Variants in IQSEC1 observed in about 807,000 individuals in gnomAD.
The protein encoded by IQSEC1 is IQ motif and Sec7 domain ArfGEF 1.
In IQSEC1, 31 loss-of-function variants were observed where a neutral mutation model predicts 91.0. The observed-to-expected ratio is 0.34, with a 90% CI of 0.26 to 0.46. The LOEUF is 0.46. Ranked by LOEUF, IQSEC1 falls within the 20% of genes least tolerant of loss-of-function variation. The pLI, the probability that IQSEC1 is intolerant of heterozygous loss-of-function variation, is 1.00. For synonymous variants in IQSEC1, 699 were observed against 662.6 expected, an observed-to-expected ratio of 1.05 and a Z score of -0.84; for missense variants, 1,388 against 1,575.6, an observed-to-expected ratio of 0.88 and a Z score of 2.02.
In IQSEC1 at chr3:12,941,652, C is replaced by T; in HGVS notation, c.237G>A (p.Lys79=). ...KLQHSTSILR[K]QAEEEAIKRS... is the part of the protein sequence containing the mutation. ...GCTTGATGGCCTCCTCCTCAGCCTG[C>T]TTGCGCAGGATGGAGGTCGAGTGCT... Residue 79 remains lysine, a synonymous_variant, in exon 2 of 14, where the codon AAG becomes AAA. Coordinates refer to ENST00000613206, the MANE Select transcript of IQSEC1 (RefSeq NM_001134382.3). The T allele has an allele frequency of 6.2e-7, 1 of 1,612,902 alleles. No homozygotes were observed. The highest frequency in any genetic ancestry group is 8.5e-7 in the Non-Finnish European group (1 of 1,179,820).
chr3:12,907,847 A>G (rs6784310), intron 12 of IQSEC1, among the ~76,000 whole-genome samples: 281 of 152,352 alleles, frequency 1.8e-3, no homozygotes, highest in African/African-American at 5.3e-3. Flanking sequence ...CTGCTGCTCA[A>G]TGGCCTCTGG....
intron 1 of IQSEC1, among the ~76,000 whole-genome samples, chr3:13,196,036 G>A (rs2125041658): frequency 6.6e-6 from 1 of 152,256 alleles, no homozygotes; most frequent in African/African-American, 2.4e-5. Context: ...ATTACTAAGA[G>A]TTTCGGTTTT....
intron 6 of IQSEC1, among the ~76,000 whole-genome samples, chr3:12,917,660 G>A (rs1696230586): frequency 6.6e-6 from 1 of 152,126 alleles, no homozygotes; most frequent in African/African-American, 2.4e-5. Flanking sequence ...GACGTCTGGT[G>A]GTTGCCACAT....
chr3:12,924,494 C>G lies in IQSEC1; in HGVS notation c.1730+87G>C, dbSNP rs779201490. Reference sequence around the variant, plus strand: ...ACATGTCCCAGCAAGTAGGGTGGGCCTGGCCCTGTGTGTGCCCACGGGTAA... The same window carrying G: ...ACATGTCCCAGCAAGTAGGGTGGGCGTGGCCCTGTGTGTGCCCACGGGTAA... On this transcript the variant is annotated intron_variant, in intron 4 of 13. Coordinates refer to ENST00000613206, the MANE Select transcript of IQSEC1 (RefSeq NM_001134382.3). The surrounding 1 kb of genome is among the most constrained non-coding windows in gnomAD (Gnocchi z 6.3). 1,035 of 1,387,334 alleles carry G rather than the reference C, an allele frequency of 7.5e-4. 1 individual carries two copies. Among genetic ancestry groups the G allele is most frequent in the Middle Eastern group, 1.3e-3 (7 of 5,370 alleles). 85.9% of individuals were successfully genotyped at this position (1,387,334 alleles called of 1,614,324 possible).
At chr3:12,914,361 T>C (rs1476550981) in intron 8 of IQSEC1, among the ~76,000 whole-genome samples, 1 of 152,068 alleles carries the variant, frequency 6.6e-6, no homozygotes, top group African/African-American at 2.4e-5. Flanking sequence ...AGGGGTGGGA[T>C]CCCCGGGATC....
At chr3:13,186,280 CTG>C (rs1693930702) in intron 1 of IQSEC1, among the ~76,000 whole-genome samples, 1 of 152,174 alleles carries the variant, frequency 6.6e-6, no homozygotes, top group African/African-American at 2.4e-5. Flanking sequence ...GGTGGAAGCT[CTG>C]TAAATATTCT....
Position 12,924,312 on chromosome 3 carries a change from G to A in IQSEC1, c.1730+269C>T, listed in dbSNP as rs145449533. 6.6e-6 allele frequency among the ~76,000 whole-genome samples: 1 copy of A among 152,306 alleles called. No individual in the cohort carries two copies. The highest frequency in any genetic ancestry group is 1.5e-5 in the Non-Finnish European group (1 of 68,012). On this transcript the variant is annotated intron_variant, in intron 4 of 13. Coordinates refer to ENST00000613206, the MANE Select transcript of IQSEC1 (RefSeq NM_001134382.3). This position sits in a 1 kb window ranked among gnomAD's most constrained non-coding sequence, Gnocchi z 6.3. ...GTGCTTAGGGATGGAGGGAAGGGAG[G>A]GGCCAAGGGTGCATGCCAGAGGGTG... is the stretch of plus-strand genomic sequence containing the variant.
intron 1 of IQSEC1, among the ~76,000 whole-genome samples, chr3:13,243,138 A>T (rs944346808): frequency 6.6e-6 from 1 of 152,160 alleles, no homozygotes; most frequent in Non-Finnish European, 1.5e-5. Flanking sequence ...GCACACAGAG[A>T]TGCTCACAAA....
At chr3:13,059,450 C>A (rs1240136081) in intron 1 of IQSEC1, among the ~76,000 whole-genome samples, 1 of 152,198 alleles carries the variant, frequency 6.6e-6, no homozygotes, top group African/African-American at 2.4e-5. Context: ...AGGCCTGGCA[C>A]GGGGTGCCCT....
At chr3:13,204,682 G>A (rs1303542121) in intron 1 of IQSEC1, among the ~76,000 whole-genome samples, 2 of 152,302 alleles carry the variant, frequency 1.3e-5, no homozygotes, top group Admixed American at 6.5e-5. Flanking sequence ...GGGGCGGCTC[G>A]GGTCCCTGTC....
chr3:13,133,586 C>T (rs1706657471), intron 2 of IQSEC1, among the ~76,000 whole-genome samples: 1 of 152,264 alleles, frequency 6.6e-6, no homozygotes, highest in Admixed American at 6.5e-5. Context: ...TGAAGGGCCA[C>T]TGCTGCACAC....
At chr3:12,951,731 T>G (rs1481525002) in intron 1 of IQSEC1, among the ~76,000 whole-genome samples, 1 of 152,136 alleles carries the variant, frequency 6.6e-6, no homozygotes, top group Non-Finnish European at 1.5e-5. Flanking sequence ...GGCCCAGCAA[T>G]GCTGGTCGCC....
At chr3:13,181,624 T>C (rs905002130) in intron 1 of IQSEC1, among the ~76,000 whole-genome samples, 8 of 152,190 alleles carry the variant, frequency 5.3e-5, no homozygotes, top group African/African-American at 1.9e-4. Flanking sequence ...TAGACAGACT[T>C]GTAGACAGAT....
chr3:12,971,642 A>T (rs540694743), intron 1 of IQSEC1, among the ~76,000 whole-genome samples: 1 of 152,264 alleles, frequency 6.6e-6, no homozygotes, highest in Non-Finnish European at 1.5e-5. Context: ...AAGATTGTAT[A>T]ATCATAGATT....
chr3:12,925,967 G>A (rs896330437), intron 3 of IQSEC1, among the ~76,000 whole-genome samples: 1 of 152,204 alleles, frequency 6.6e-6, no homozygotes, highest in African/African-American at 2.4e-5. Flanking sequence ...TGCCCATCTT[G>A]TGGTAGGTCT....
chr3:13,053,204 C>T, intron 1 of IQSEC1: 1 of 682,634 alleles, frequency 1.5e-6, no homozygotes, highest in South Asian at 1.5e-5. Flanking sequence ...CCTTGTTTCC[C>T]TGTTGGGGAT....
chr3:12,910,560 C>T (rs763436517), intron 10 of IQSEC1, among the ~76,000 whole-genome samples: 9 of 152,342 alleles, frequency 5.9e-5, no homozygotes, highest in Middle Eastern at 3.4e-3. Flanking sequence ...TTGCAGCCTG[C>T]GATGGGACAG....
At position 13,207,059 on chromosome 3, in the gene IQSEC1, T is replaced by C. The variant is rs1694357790; in HGVS notation, c.273-42926A>G. The stretch of plus-strand genomic sequence containing the variant: ...CTAGCATATTAGCCAGGACAGCATC[T>C]GAGCTTCGTAGACCTGGGCAGGGCT... On this transcript the variant is annotated intron_variant, in intron 1 of 15. Transcript: ENST00000648114. The surrounding 1 kb of genome is among the most constrained non-coding windows in gnomAD (Gnocchi z 4.8). Among the ~76,000 whole-genome samples, 2 of 152,148 alleles carry C rather than the reference T, an allele frequency of 1.3e-5. No homozygotes were observed. The highest frequency in any genetic ancestry group is 1.3e-4 in the Admixed American group (2 of 15,286).
At chr3:13,264,415 T>TCCTGGGTCTCGGTCTTGTGTTCG (rs1348520305) in intron 1 of IQSEC1, among the ~76,000 whole-genome samples, 10 of 152,118 alleles carry the variant, frequency 6.6e-5, no homozygotes. Flanking sequence ...CTGCCTGCTC[T>TCCTGGGTCTCGGTCTTGTGTTCG]CCTGGGTCTC....
Sources: gnomAD v4.1 joint callset for allele counts (sites outside exome capture counted in the v4.1 genomes callset) on GRCh38, gnomAD v4.1.1 for gene constraint, Gnocchi (gnomAD v3.1) non-coding constraint, MANE v1.5 for transcripts, NCBI Gene and HGNC (gene_info 2026-07-23, HGNC 2026-07-21) for gene names.